The following WDR97 variants were observed in gnomAD, a reference collection of about 807,000 sequenced individuals.
WDR97 encodes WD repeat domain 97.
Under a neutral mutation model 65.4 loss-of-function variants are expected in WDR97, and 111 were observed. The observed-to-expected ratio is 1.70, with a 90% CI of 1.45 to 1.99. WDR97 has a LOEUF of 1.99. Among genes scored for constraint, WDR97 ranks in the 30% most tolerant of loss-of-function variants. The probability of loss-of-function intolerance (pLI) is 0.00; values close to 1 mark genes in which losing one functional copy is unlikely to be tolerated. For synonymous variants in WDR97, 802 were observed against 397.7 expected, an observed-to-expected ratio of 2.02 and a Z score of -12.10; for missense variants, 1,674 against 865.0, an observed-to-expected ratio of 1.94 and a Z score of -11.73.
chr8:144,111,039 TCAC>T (rs1836537358), intron 9 of WDR97, 43 bp downstream of exon 9: 1 of 702,280 alleles, frequency 1.4e-6, no homozygotes, highest in Non-Finnish European at 2.6e-6. Context: ...CCCCCCTTGC[TCAC>T]CTTGGGGGGC....
intron 1 of WDR97, 98 bp downstream of exon 1, chr8:144,107,960 T>C: frequency 2.9e-6 from 2 of 701,272 alleles, no homozygotes; most frequent in Non-Finnish European, 5.2e-6. Context: ...CCCTGGGCAG[T>C]CCCTGGTAGG....
intron 6 of WDR97, 38 bp from the exon 7 acceptor site, chr8:144,110,301 TCC>T: frequency 1.4e-6 from 1 of 702,006 alleles, no homozygotes; most frequent in Non-Finnish European, 2.6e-6. Context: ...CAGAGCCCCC[TCC>T]CCTCCGACAA....
In WDR97 at chr8:144,118,320, A is replaced by AC. The variant is rs1362810464; in HGVS notation, c.*2027_*2028insC. On this transcript the variant is annotated 3_prime_UTR_variant, in exon 24 of 24. Transcript: ENST00000323662. ...AATAGAGCGAGACTCTGTGTCAAAA[A>AC]AAAAAAAATTATCTAGTTTAGGCCG... is the stretch of plus-strand genomic sequence containing the variant. 1 of 151,756 alleles carries AC rather than the reference A, an allele frequency of 6.6e-6. No individual in the cohort carries two copies. Among genetic ancestry groups the AC allele is most frequent in the Non-Finnish European group, 1.5e-5 (1 of 67,974 alleles). The allele number at this position is 151,756 out of a possible 1,614,324, so 9.4% of individuals were successfully genotyped here. A position where few individuals can be genotyped will look rare whatever the true frequency, so the allele number is the denominator to read the frequency against.
intron 2 of WDR97, 26 bp from the exon 3 acceptor site, chr8:144,108,290 G>GCGGGCC (rs1361826539): frequency 1.4e-6 from 1 of 691,376 alleles, no homozygotes; most frequent in South Asian, 1.5e-5. Context: ...ACCTTTGATT[G>GCGGGCC]CGGGCCCGCC....
At chr8:144,107,919 G>A (rs542632269) in intron 1 of WDR97, 57 bp downstream of exon 1, 28 of 702,612 alleles carry the variant, frequency 4.0e-5, no homozygotes, top group South Asian at 1.3e-4. Context: ...GTCTCATTCG[G>A]GCTTGGGTTC....
rs1201743979 is a variant in WDR97, at chr8:144,112,431, C to T, written c.3022-16C>T. On this transcript the variant is annotated splice_polypyrimidine_tract_variant and intron_variant, in intron 14 of 23. Coordinates refer to ENST00000323662, the MANE Select transcript of WDR97 (RefSeq NM_001316309.2). ...CTAGGGGCTGTGTTGTTCTGAGCCC[C>T]CATTCCATCCCCCAGATCCCACTGC... The T allele has an allele frequency of 2.8e-6, 2 of 702,616 alleles. No individual in the cohort carries two copies. Among genetic ancestry groups the T allele is most frequent in the Non-Finnish European group, 5.2e-6 (2 of 384,884 alleles). The allele number at this position is 702,616 out of a possible 1,614,324, so 43.5% of individuals were successfully genotyped here.
intron 4 of WDR97, 35 bp downstream of exon 4, chr8:144,109,205 C>T: frequency 1.4e-6 from 1 of 702,800 alleles, no homozygotes; most frequent in Non-Finnish European, 2.6e-6. Flanking sequence ...AGCCTCGGCC[C>T]TTTGCCTCCA....
At position 144,114,786 on chromosome 8, in the gene WDR97, C is replaced by G. The variant is rs764637263; in HGVS notation, c.3952C>G (p.Gln1318Glu). 1 of 702,422 alleles carries G rather than the reference C, an allele frequency of 1.4e-6. No homozygotes were observed. The highest frequency in any genetic ancestry group is 2.6e-6 in the Non-Finnish European group (1 of 384,774). The allele number at this position is 702,422 out of a possible 1,614,324, so 43.5% of individuals were successfully genotyped here. Residue 1318 changes from glutamine to glutamate, a missense_variant, in exon 21 of 24, where the codon CAG becomes GAG. Gln to Glu is a conservative substitution (Grantham distance 29). Transcript: ENST00000323662. ...GAAGCTGCTGCACGGGCTGGGCCTT[C>G]AGGACCCAGAGGGCTTCCTATTCAA... is the stretch of plus-strand genomic sequence containing the variant. ...LKKLLHGLGLQDPEGFLFKEM... is the reference protein window; with the variant it reads ...LKKLLHGLGLEDPEGFLFKEM...
Position 144,110,568 on chromosome 8 carries a change from C to T in WDR97, c.2071C>T (p.His691Tyr), listed in dbSNP as rs943195511. 10 of 702,660 alleles carry T rather than the reference C, an allele frequency of 1.4e-5. No homozygotes were observed. The highest frequency in any genetic ancestry group is 2.6e-5 in the Non-Finnish European group (10 of 384,914). The allele number at this position is 702,660 out of a possible 1,614,324, so 43.5% of individuals were successfully genotyped here. A position where few individuals can be genotyped will look rare whatever the true frequency, so the allele number is the denominator to read the frequency against. The change falls in exon 7 of 24, where the codon CAC (histidine) becomes TAC (tyrosine). Residue 691 changes from histidine (H) to tyrosine (Y), a missense_variant. Physicochemically the swap from His to Tyr is moderately conservative, Grantham distance 83. Coordinates refer to ENST00000323662, the MANE Select transcript of WDR97 (RefSeq NM_001316309.2). ...CCGGCCCCAGGACGACCCCACGGACCACATCACTGGTGAGGGGGCAGCATG... is the reference window on the plus strand; with the variant it reads ...CCGGCCCCAGGACGACCCCACGGACTACATCACTGGTGAGGGGGCAGCATG... ...DHRPQDDPTD[H>Y]ITGLCCCPTL...
Position 144,109,974 on chromosome 8 carries a change from G to GCCAGCACTGGGGCGAGTTGCGCT in WDR97, c.1641_1663dup (p.Cys555SerfsTer72), listed in dbSNP as rs1836512197. 5.7e-6 allele frequency: 4 copies of GCCAGCACTGGGGCGAGTTGCGCT among 701,504 alleles called. No homozygotes were observed. In the African/African-American group the frequency reaches 7.0e-5, roughly 12 times the overall value. The allele number at this position is 701,504 out of a possible 1,614,324, so 43.5% of individuals were successfully genotyped here. On this transcript the variant is annotated frameshift_variant, in exon 5 of 24. Transcript: ENST00000323662. LOFTEE classifies it high-confidence loss of function. Reference sequence around the variant, plus strand: ...GCCTTCTCCTCCTGGGAGATCGTGCGCCAGCACTGGGGCGAGTTGCGCTGC... The same window carrying GCCAGCACTGGGGCGAGTTGCGCT: ...GCCTTCTCCTCCTGGGAGATCGTGCGCCAGCACTGGGGCGAGTTGCGCTCCAGCACTGGGGCGAGTTGCGCTGC...
At position 144,116,157 on chromosome 8, in the gene WDR97, C is replaced by T. The variant is rs922690182; in HGVS notation, c.4733C>T (p.Pro1578Leu). ...LDGPIRTLKL[P>L]LPRVEPQPFP... ...GGCCCCATCCGGACGCTGAAGCTGC[C>T]GTTGCCGCGTGTGGAGCCGCAGCCT... The change falls in exon 24 of 24, where the codon CCG becomes CTG. Residue 1578 changes from proline (P) to leucine (L), a missense_variant. Transcript: ENST00000323662. 2.9e-6 allele frequency: 2 copies of T among 700,456 alleles called. No individual in the cohort carries two copies. Among genetic ancestry groups the T allele is most frequent in the East Asian group, 2.7e-5 (1 of 37,232 alleles). 43.4% of individuals were successfully genotyped at this position (700,456 alleles called of 1,614,324 possible). A position where few individuals can be genotyped will look rare whatever the true frequency, so the allele number is the denominator to read the frequency against.
intron 22 of WDR97, 34 bp downstream of exon 22, chr8:144,115,892 G>C: frequency 1.4e-6 from 1 of 699,282 alleles, no homozygotes; most frequent in Non-Finnish European, 2.6e-6. Context: ...GGCCTGCGTG[G>C]GGCAGCCAAG....
chr8:144,111,327 C>T (rs1471737136), intron 10 of WDR97, 99 bp from the exon 11 acceptor site: 1 of 702,754 alleles, frequency 1.4e-6, no homozygotes, highest in Non-Finnish European at 2.6e-6. Flanking sequence ...CCTGCCTGAG[C>T]CCTGGCACAC....
At chr8:144,114,958 C>G (rs1469889298) in intron 21 of WDR97, 47 bp downstream of exon 21, 1 of 641,526 alleles carries the variant, frequency 1.6e-6, no homozygotes, top group Non-Finnish European at 2.8e-6. Context: ...CTGTTGCCTT[C>G]TCTGGCTTTC....
At position 144,109,710 on chromosome 8, in the gene WDR97, C is replaced by G. The variant is rs1428888459; in HGVS notation, c.1376C>G (p.Ser459Trp). The G allele has an allele frequency of 1.5e-6, 1 of 679,068 alleles. No individual in the cohort carries two copies. Among genetic ancestry groups the G allele is most frequent in the Non-Finnish European group, 2.7e-6 (1 of 375,314 alleles). The allele number at this position is 679,068 out of a possible 1,614,324, so 42.1% of individuals were successfully genotyped here. A position where few individuals can be genotyped will look rare whatever the true frequency, so the allele number is the denominator to read the frequency against. The part of the protein sequence containing the change: ...ACADGSVYLL[S>W]AATGRIVSSL... ...GCCGACGGCTCGGTCTACCTCCTGT[C>G]GGCGGCCACCGGGCGCATAGTGAGC... The change falls in exon 5 of 24, where the codon TCG becomes TGG. Residue 459 changes from serine (S) to tryptophan (W), a missense_variant. By Grantham distance (177) the Ser-to-Trp change is radical. Coordinates refer to ENST00000323662, the MANE Select transcript of WDR97 (RefSeq NM_001316309.2).
chr8:144,113,969 T>C lies in WDR97; in HGVS notation c.3409-8T>C. 1 of 700,384 alleles carries C rather than the reference T, an allele frequency of 1.4e-6. No individual in the cohort carries two copies. The highest frequency in any genetic ancestry group is 2.0e-5 in the Admixed American group (1 of 49,814). The allele number at this position is 700,384 out of a possible 1,614,324, so 43.4% of individuals were successfully genotyped here. A position where few individuals can be genotyped will look rare whatever the true frequency, so the allele number is the denominator to read the frequency against. On this transcript the variant is annotated splice_polypyrimidine_tract_variant and splice_region_variant and intron_variant, in intron 17 of 23. Coordinates refer to ENST00000323662, the MANE Select transcript of WDR97 (RefSeq NM_001316309.2). ...AGGTGGGACCTGCAGCCACTGCTGCTCCCCTAGAGTGCTGTGGACTGGACC... is the reference window on the plus strand; with the variant it reads ...AGGTGGGACCTGCAGCCACTGCTGCCCCCCTAGAGTGCTGTGGACTGGACC...
chr8:144,113,140 G>C lies in WDR97; in HGVS notation c.3106-300G>C, dbSNP rs1015140265. 6 of 505,410 alleles carry C rather than the reference G, an allele frequency of 1.2e-5. No individual in the cohort carries two copies. In the African/African-American group the frequency reaches 1.2e-4, roughly 10 times the overall value. 31.3% of individuals were successfully genotyped at this position (505,410 alleles called of 1,614,324 possible). ...TTTAGACTTTCTTGTCCCAGGGCTG[G>C]GGCCAAGTCCTGTAAGGAGCTTGCA... On this transcript the variant is annotated intron_variant, in intron 15 of 23. Coordinates refer to ENST00000323662, the MANE Select transcript of WDR97 (RefSeq NM_001316309.2).
Position 144,114,686 on chromosome 8 carries a change from C to T in WDR97, c.3914+11C>T, listed in dbSNP as rs777778252. 4.3e-6 allele frequency: 3 copies of T among 702,610 alleles called. No homozygotes were observed. The highest frequency in any genetic ancestry group is 3.5e-5 in the African/African-American group (2 of 57,270). The allele number at this position is 702,610 out of a possible 1,614,324, so 43.5% of individuals were successfully genotyped here. A position where few individuals can be genotyped will look rare whatever the true frequency, so the allele number is the denominator to read the frequency against. Reference sequence around the variant, plus strand: ...TCCCGTGCACTGCCGGTGAGTTGCGCTCCTGCCCAGCCCTCCCTGCCACTG... The same window carrying T: ...TCCCGTGCACTGCCGGTGAGTTGCGTTCCTGCCCAGCCCTCCCTGCCACTG... On this transcript the variant is annotated intron_variant, in intron 20 of 23. Coordinates refer to ENST00000323662, the MANE Select transcript of WDR97 (RefSeq NM_001316309.2).
At chr8:144,110,791 G>GA (rs1836531407) in intron 8 of WDR97, 52 bp downstream of exon 8, 2 of 702,516 alleles carry the variant, frequency 2.8e-6, no homozygotes, top group Non-Finnish European at 5.2e-6. Flanking sequence ...CTCCTCACCA[G>GA]AGCCCACTGG....
Sources: allele counts gnomAD v4.1 joint callset, GRCh38; gene constraint gnomAD v4.1.1; transcripts MANE v1.5; gene names NCBI Gene and HGNC (gene_info 2026-07-23, HGNC 2026-07-21).